The following SOX5 variants were observed in gnomAD, a reference collection of about 807,000 sequenced individuals.
The protein encoded by SOX5 is transcription factor SOX-5.
In SOX5, 9 loss-of-function variants were observed where a neutral mutation model predicts 92.0. The ratio of observed to expected loss-of-function variants is 0.10; its 90% CI spans 0.06 to 0.17. The LOEUF (loss-of-function observed/expected upper bound fraction) is 0.17, where lower values mean the gene tolerates loss of function less well. SOX5 is among the 10% of genes least tolerant of loss of function. SOX5 has a pLI of 1.00. For synonymous variants in SOX5, 344 were observed against 336.3 expected (o/e 1.02, Z -0.25); for missense variants, 642 against 944.5 (o/e 0.68, Z 4.20).
At chr12:23,677,489 CAT>C (rs1396158175) in intron 6 of SOX5, among the ~76,000 whole-genome samples, 1 of 152,076 alleles carries the variant, frequency 6.6e-6, no homozygotes, top group African/African-American at 2.4e-5. Flanking sequence ...TATAAAGTAA[CAT>C]AACTGGAACA....
intron 6 of SOX5, among the ~76,000 whole-genome samples, chr12:23,678,304 T>C (rs2086036482): frequency 6.6e-6 from 1 of 152,178 alleles, no homozygotes; most frequent in Admixed American, 6.6e-5. Flanking sequence ...AAAGTATGGC[T>C]AATTTTACTA....
chr12:24,400,586 T>C (rs1961281647), intron 1 of SOX5, among the ~76,000 whole-genome samples: 1 of 152,224 alleles, frequency 6.6e-6, no homozygotes, highest in South Asian at 2.1e-4. Context: ...AATGCATGCA[T>C]TAACAGATGA....
intron 8 of SOX5, among the ~76,000 whole-genome samples, chr12:23,610,290 A>G (rs922390900): frequency 6.6e-6 from 1 of 152,148 alleles, no homozygotes; most frequent in Non-Finnish European, 1.5e-5. Flanking sequence ...ATAATAGGTT[A>G]CTTTCCCCAA....
At chr12:24,380,312 A>G (rs1219966303) in intron 1 of SOX5, among the ~76,000 whole-genome samples, 1 of 152,200 alleles carries the variant, frequency 6.6e-6, no homozygotes, top group Non-Finnish European at 1.5e-5. Context: ...AGCAATTTGC[A>G]CTTTTGTGAG....
intron 2 of SOX5, among the ~76,000 whole-genome samples, chr12:24,366,079 T>G (rs907495811): frequency 6.6e-6 from 1 of 152,158 alleles, no homozygotes; most frequent in African/African-American, 2.4e-5. Flanking sequence ...CTAGAAGGCA[T>G]CAATTCAATG....
At chr12:23,715,447 A>C (rs1404371524) in intron 6 of SOX5, among the ~76,000 whole-genome samples, 1 of 152,206 alleles carries the variant, frequency 6.6e-6, no homozygotes, top group Admixed American at 6.5e-5. Context: ...GAGAAACTTA[A>C]TGTTTAAAAT....
At chr12:23,755,091 T>TA (rs1236163877) in intron 4 of SOX5, among the ~76,000 whole-genome samples, 3 of 151,820 alleles carry the variant, frequency 2.0e-5, no homozygotes, top group Admixed American at 6.6e-5. Context: ...TTGTTATTAG[T>TA]AGGAGTTTAT....
chr12:23,935,139 C>T (rs1452551054), intron 1 of SOX5, among the ~76,000 whole-genome samples: 1 of 151,206 alleles, frequency 6.6e-6, no homozygotes. Flanking sequence ...AGGTTCATTT[C>T]CATTCCCCAA....
intron 4 of SOX5, among the ~76,000 whole-genome samples, chr12:24,115,396 C>T (rs1947880987): frequency 1.3e-5 from 2 of 152,146 alleles, no homozygotes; most frequent in African/African-American, 4.8e-5. Context: ...CATTTTGACA[C>T]ATAAAATCTC....
intron 1 of SOX5, among the ~76,000 whole-genome samples, chr12:24,551,284 C>G (rs1953132066): frequency 6.6e-6 from 1 of 152,178 alleles, no homozygotes; most frequent in South Asian, 2.1e-4. Context: ...GCTGGGCACG[C>G]TGGTGGATTT....
intron 6 of SOX5, among the ~76,000 whole-genome samples, chr12:23,689,076 C>T (rs532272897): frequency 6.6e-6 from 1 of 152,078 alleles, no homozygotes; most frequent in African/African-American, 2.4e-5. Context: ...ACTGAAATAG[C>T]TCTTTCACAT....
chr12:24,499,451 T>A (rs1032975518), intron 1 of SOX5, among the ~76,000 whole-genome samples: 1 of 152,174 alleles, frequency 6.6e-6, no homozygotes, highest in African/African-American at 2.4e-5. Context: ...GGAAAGGGGA[T>A]AATATGAGCA....
At chr12:24,035,824 G>C (rs1364329116) in intron 4 of SOX5, among the ~76,000 whole-genome samples, 3 of 151,988 alleles carry the variant, frequency 2.0e-5, no homozygotes, top group Non-Finnish European at 2.9e-5. Context: ...TAACTGTACA[G>C]TACCAAAATC....
At chr12:24,517,393 A>G (rs1949885772) in intron 1 of SOX5, among the ~76,000 whole-genome samples, 1 of 152,186 alleles carries the variant, frequency 6.6e-6, no homozygotes, top group Non-Finnish European at 1.5e-5. Context: ...CAGAGTCAAA[A>G]AGCACGGGAA....
intron 4 of SOX5, among the ~76,000 whole-genome samples, chr12:24,079,851 G>A (rs556173346): frequency 2.4e-4 from 36 of 151,894 alleles, no homozygotes; most frequent in Admixed American, 9.8e-4. Flanking sequence ...GTCGAGAGCC[G>A]ATCTGTATTT....
intron 4 of SOX5, among the ~76,000 whole-genome samples, chr12:24,171,591 C>T (rs1020082784): frequency 1.5e-4 from 23 of 152,058 alleles, no homozygotes; most frequent in African/African-American, 4.1e-4. Context: ...TGGAGAAAAA[C>T]GAGACAGAAA....
intron 4 of SOX5, among the ~76,000 whole-genome samples, chr12:24,019,427 T>C (rs906231299): frequency 2.6e-5 from 4 of 152,184 alleles, no homozygotes; most frequent in African/African-American, 2.4e-5. Flanking sequence ...ATTACAGATA[T>C]ATAGAATTAT....
chr12:24,095,307 C>G (rs1945266059), intron 4 of SOX5, among the ~76,000 whole-genome samples: 2 of 151,994 alleles, frequency 1.3e-5, no homozygotes, highest in African/African-American at 2.4e-5. Flanking sequence ...TTGTAATTGT[C>G]TGTTTTCTTC....
chr12:24,293,403 C>G (rs1247327281), intron 2 of SOX5, among the ~76,000 whole-genome samples: 1 of 152,192 alleles, frequency 6.6e-6, no homozygotes. Flanking sequence ...GGTAGTTATA[C>G]AGTCACCAGT....
Sources: gnomAD v4.1 joint callset for allele counts (sites outside exome capture counted in the v4.1 genomes callset) on GRCh38, gnomAD v4.1.1 for gene constraint, MANE v1.5 for transcripts, NCBI Gene and HGNC (gene_info 2026-07-23, HGNC 2026-07-21) for gene names.